RPS6KA5: variants seen among roughly 807,000 people sequenced by gnomAD.
RPS6KA5 encodes ribosomal protein S6 kinase alpha-5.
A neutral mutation model predicts 85.5 loss-of-function variants in RPS6KA5; 27 were observed. The observed-to-expected ratio is 0.32, with a 90% CI of 0.23 to 0.44. The LOEUF (loss-of-function observed/expected upper bound fraction) is 0.44, where lower values mean the gene tolerates loss of function less well. Among genes scored for constraint, RPS6KA5 ranks in the 20% least tolerant of loss-of-function variants. RPS6KA5 has a pLI of 1.00. For synonymous variants in RPS6KA5, 334 were observed against 348.2 expected, an observed-to-expected ratio of 0.96 and a Z score of 0.46; for missense variants, 811 against 980.9, an observed-to-expected ratio of 0.83 and a Z score of 2.31.
chr14:90,994,381 G>A (rs958483459), intron 2 of RPS6KA5, among the ~76,000 whole-genome samples: 2 of 150,588 alleles, frequency 1.3e-5, no homozygotes, highest in African/African-American at 2.4e-5. Context: ...TCTCCAATCT[G>A]TCTGGTCATT....
At chr14:91,059,595 C>T (rs1489071338) in intron 1 of RPS6KA5, among the ~76,000 whole-genome samples, 1 of 152,200 alleles carries the variant, frequency 6.6e-6, no homozygotes, top group Non-Finnish European at 1.5e-5. Context: ...AGTTATAAAG[C>T]TTAGGACAAC....
chr14:91,016,800 A>G (rs145395673), intron 1 of RPS6KA5, among the ~76,000 whole-genome samples: 225 of 151,828 alleles, frequency 1.5e-3, no homozygotes, highest in African/African-American at 4.8e-3. Context: ...TAGAAGGAAC[A>G]TGATTGGAAA....
chr14:90,952,173 A>C (rs1221177148), intron 3 of RPS6KA5, among the ~76,000 whole-genome samples: 1 of 152,056 alleles, frequency 6.6e-6, no homozygotes, highest in Non-Finnish European at 1.5e-5. Context: ...CTCCAACCTG[A>C]CTCTTCCTAT....
Position 90,872,323 on chromosome 14 carries a change from CTGGCGGGGG to C in RPS6KA5, c.2161-10_2161-2del, listed in dbSNP as rs1258546588. 6.3e-7 allele frequency: 1 copy of C among 1,599,104 alleles called. No individual in the cohort carries two copies. On this transcript the variant is annotated splice_acceptor_variant and splice_polypyrimidine_tract_variant and intron_variant, in intron 16 of 16. Transcript: ENST00000614987. LOFTEE classifies it high-confidence loss of function. ...CCTCTCTCTTGTATTTGTTAAAGGCCTGGCGGGGGAAAAAAAGGGAACCCCTGTGAAGGT... is the reference window on the plus strand; with the variant it reads ...CCTCTCTCTTGTATTTGTTAAAGGCCAAAAAAAGGGAACCCCTGTGAAGGT...
intron 2 of RPS6KA5, among the ~76,000 whole-genome samples, chr14:90,979,243 G>C (rs2039694183): frequency 6.6e-6 from 1 of 152,232 alleles, no homozygotes; most frequent in Admixed American, 6.5e-5. Context: ...TGTGGGCAGA[G>C]CAGGTCCTCT....
intron 7 of RPS6KA5, among the ~76,000 whole-genome samples, chr14:90,912,904 C>CTTTTTTTTTTTTTTTTT (rs57029403): frequency 1.9e-5 from 1 of 53,288 alleles, no homozygotes; most frequent in Non-Finnish European, 3.2e-5. Context: ...CATAAAGCAT[C>CTTTTTTTTTTTTTTTTT]TTTTTTTTTT....
chr14:90,989,083 G>GT (rs918960080), intron 2 of RPS6KA5, among the ~76,000 whole-genome samples: 34 of 151,878 alleles, frequency 2.2e-4, no homozygotes, highest in Non-Finnish European at 4.1e-4. Flanking sequence ...AAATAATTTT[G>GT]TTTTTTCAAT....
chr14:90,995,232 G>C (rs755075917), intron 2 of RPS6KA5, among the ~76,000 whole-genome samples: 1 of 152,080 alleles, frequency 6.6e-6, no homozygotes, highest in Non-Finnish European at 1.5e-5. Context: ...TCCCATGCTG[G>C]CCTCAGCCTC....
At chr14:90,975,503 G>C (rs549428435) in intron 3 of RPS6KA5, among the ~76,000 whole-genome samples, 1 of 152,260 alleles carries the variant, frequency 6.6e-6, no homozygotes, top group South Asian at 2.1e-4. Flanking sequence ...GAGATACCAG[G>C]GGCACACATG....
intron 1 of RPS6KA5, among the ~76,000 whole-genome samples, chr14:91,037,369 T>C (rs1409627265): frequency 6.6e-6 from 1 of 152,216 alleles, no homozygotes; most frequent in African/African-American, 2.4e-5. Flanking sequence ...TGGCCCATTA[T>C]GGTAATTACA....
intron 3 of RPS6KA5, among the ~76,000 whole-genome samples, chr14:90,951,342 C>A (rs966818589): frequency 2.4e-4 from 37 of 151,712 alleles, no homozygotes; most frequent in Admixed American, 2.4e-3. Flanking sequence ...CAAAATTAGC[C>A]AGACATGGTG....
intron 7 of RPS6KA5, among the ~76,000 whole-genome samples, chr14:90,906,504 C>CA (rs2035513619): frequency 6.6e-6 from 1 of 151,876 alleles, no homozygotes; most frequent in African/African-American, 2.4e-5. Flanking sequence ...AGAGCAGTAA[C>CA]AAAAAATGTT....
At chr14:90,962,099 G>A (rs983759517) in intron 3 of RPS6KA5, among the ~76,000 whole-genome samples, 6 of 152,144 alleles carry the variant, frequency 3.9e-5, no homozygotes, top group Non-Finnish European at 8.8e-5. Flanking sequence ...TGGACCAAGA[G>A]CAGCAGAAAG....
intron 7 of RPS6KA5, among the ~76,000 whole-genome samples, chr14:90,915,766 A>G (rs1214590766): frequency 6.6e-6 from 1 of 152,114 alleles, no homozygotes; most frequent in Non-Finnish European, 1.5e-5. Flanking sequence ...AGATCAGGCC[A>G]CTATATCCAG....
intron 1 of RPS6KA5, among the ~76,000 whole-genome samples, chr14:91,025,354 C>T (rs976838680): frequency 1.3e-5 from 2 of 152,068 alleles, no homozygotes; most frequent in Non-Finnish European, 2.9e-5. Context: ...TCCTTTTTTT[C>T]ATTGAGTCTC....
chr14:90,913,347 C>T (rs1450492223), intron 7 of RPS6KA5, among the ~76,000 whole-genome samples: 3 of 152,150 alleles, frequency 2.0e-5, no homozygotes, highest in African/African-American at 4.8e-5. Flanking sequence ...GTTTCTTTTA[C>T]AAAGTTAGGG....
intron 3 of RPS6KA5, among the ~76,000 whole-genome samples, chr14:90,972,070 A>C (rs981682929): frequency 1.3e-5 from 2 of 152,376 alleles, no homozygotes; most frequent in South Asian, 4.1e-4. Flanking sequence ...CATGGCTAGG[A>C]AGTAAATGCT....
intron 2 of RPS6KA5, among the ~76,000 whole-genome samples, chr14:90,982,018 A>C (rs763055064): frequency 3.0e-4 from 45 of 152,240 alleles, no homozygotes; most frequent in Non-Finnish European, 2.2e-4. Flanking sequence ...CAGAGCAGAG[A>C]AAGAAAGTAA....
intron 1 of RPS6KA5, among the ~76,000 whole-genome samples, chr14:91,002,964 A>G (rs528994630): frequency 6.6e-6 from 1 of 152,324 alleles, no homozygotes; most frequent in African/African-American, 2.4e-5. Flanking sequence ...TATCAAAAAC[A>G]TAGGTAGTAT....
Sources: allele counts gnomAD v4.1 joint callset (sites outside exome capture counted in the v4.1 genomes callset), GRCh38; gene constraint gnomAD v4.1.1; transcripts MANE v1.5; gene names NCBI Gene and HGNC (gene_info 2026-07-23, HGNC 2026-07-21).